The following CBX1 variants were observed in gnomAD, a reference collection of about 807,000 sequenced individuals.
CBX1 encodes chromobox 1, also known as chromobox protein homolog 1.
CBX1 carries 10 observed loss-of-function variants against 25.1 expected under a neutral mutation model. The observed-to-expected ratio is 0.40, with a 90% CI of 0.25 to 0.68. CBX1 has a LOEUF of 0.68. Among genes scored for constraint, CBX1 ranks in the 30% least tolerant of loss-of-function variants. The pLI is 0.40. For synonymous variants in CBX1, 63 were observed against 79.4 expected, an observed-to-expected ratio of 0.79 and a Z score of 1.10; for missense variants, 106 against 218.5, an observed-to-expected ratio of 0.49 and a Z score of 3.25.
intron 1 of CBX1, among the ~76,000 whole-genome samples, chr17:48,100,132 C>A (rs1245325697): frequency 2.2e-4 from 3 of 13,624 alleles, no homozygotes; most frequent in East Asian, 4.5e-3. Context: ...GAGGAAGACT[C>A]TTCTCAAAAA....
At position 48,100,863 on chromosome 17, in the gene CBX1, C is replaced by T. The variant is rs1221392893; in HGVS notation, c.-38+405G>A. On this transcript the variant is annotated intron_variant, in intron 1 of 4. Transcript: ENST00000225603. Reference sequence around the variant, plus strand: ...AGCCGGACCCGGCGTCTTCCGAATACAGTTACAAACCTCGGGTTGTGCGGT... The same window carrying T: ...AGCCGGACCCGGCGTCTTCCGAATATAGTTACAAACCTCGGGTTGTGCGGT... 6.1e-6 allele frequency: 6 copies of T among 985,310 alleles called. No homozygotes were observed. In the African/African-American group the frequency reaches 1.0e-4, roughly 17 times the overall value. The allele number at this position is 985,310 out of a possible 1,614,324, so 61.0% of individuals were successfully genotyped here.
intron 1 of CBX1, among the ~76,000 whole-genome samples, chr17:48,080,951 AATAT>A (rs1323670486): frequency 0.014 from 454 of 33,216 alleles, 2 homozygotes; most frequent in South Asian, 0.018. Flanking sequence ...AAAAAAAAAA[AATAT>A]ATATATATAT....
rs983049173 is a variant in CBX1 at position 48,101,289 on chromosome 17, C to T, written c.-59G>A. On this transcript the variant is annotated 5_prime_UTR_variant, in exon 1 of 5. Transcript: ENST00000225603. ...TCACCTCAGAGCAGCGCCCAAGAGC[C>T]CGAGAGGAATCGGTGCTGCGCTGCT... 3 of 986,350 alleles carry T rather than the reference C, an allele frequency of 3.0e-6. No individual in the cohort carries two copies. In the African/African-American group the frequency reaches 5.2e-5, roughly 17 times the overall value. The allele number at this position is 986,350 out of a possible 1,614,324, so 61.1% of individuals were successfully genotyped here.
chr17:48,098,507 C>CT (rs1284967781), intron 1 of CBX1, among the ~76,000 whole-genome samples: 1 of 151,960 alleles, frequency 6.6e-6, no homozygotes, highest in Non-Finnish European at 1.5e-5. Context: ...TTTCATTTTT[C>CT]TTTTTTTGAG....
At chr17:48,072,826 AG>A (rs1190389539) in intron 4 of CBX1, among the ~76,000 whole-genome samples, 1 of 151,382 alleles carries the variant, frequency 6.6e-6, no homozygotes, top group East Asian at 2.0e-4. Context: ...ACACATTATA[AG>A]GGAATTAGGA....
At chr17:48,077,169 GCTT>G in intron 1 of CBX1, 128 bp from the exon 2 acceptor site, 1 of 662,486 alleles carries the variant, frequency 1.5e-6, no homozygotes, top group Non-Finnish European at 2.4e-6. Flanking sequence ...TAAGTGTTAG[GCTT>G]CTTCTCACAC....
chr17:48,101,351 C>G lies in CBX1; in HGVS notation c.-121G>C. The G allele has an allele frequency of 1.0e-5, 10 of 986,084 alleles. No homozygotes were observed. The highest frequency in any genetic ancestry group is 1.2e-5 in the Non-Finnish European group (10 of 830,146). 61.1% of individuals were successfully genotyped at this position (986,084 alleles called of 1,614,324 possible). A position where few individuals can be genotyped will look rare whatever the true frequency, so the allele number is the denominator to read the frequency against. On this transcript the variant is annotated 5_prime_UTR_variant, in exon 1 of 5. Transcript: ENST00000225603. ...TCGGGTCGCCTGGGGGAGTGGCGCC[C>G]AGGAAGGCAGCAAGCCGGGTGGCCG...
chr17:48,100,646 CCT>C (rs2063403761), intron 1 of CBX1: 1 of 834,968 alleles, frequency 1.2e-6, no homozygotes, highest in Non-Finnish European at 1.4e-6. Context: ...CCCTACTTAT[CCT>C]AACAGCTCCT....
At chr17:48,081,662 G>A (rs148560610) in intron 1 of CBX1, among the ~76,000 whole-genome samples, 9 of 152,060 alleles carry the variant, frequency 5.9e-5, no homozygotes, top group Non-Finnish European at 8.8e-5. Flanking sequence ...GGCTGGTCTC[G>A]AACTCCTGAC....
intron 4 of CBX1, among the ~76,000 whole-genome samples, chr17:48,073,704 G>A (rs2037647283): frequency 6.6e-6 from 1 of 151,936 alleles, no homozygotes; most frequent in Non-Finnish European, 1.5e-5. Context: ...GCACATGCCT[G>A]TAATCCCAGC....
intron 4 of CBX1, 147 bp from the exon 5 acceptor site, chr17:48,071,726 T>G (rs1598301865): frequency 3.3e-6 from 2 of 602,532 alleles, no homozygotes; most frequent in South Asian, 2.8e-5. Context: ...CAGCATTTAC[T>G]GGCAATTGTA....
rs2037640304 is a variant in CBX1, at chr17:48,073,061, G to C, written c.414-1482C>G. ...CGCTTGAACCTGGGAGGTGGAGGTTGTAGTGAACAGAGATCGCCTCACTGC... is the reference window on the plus strand; with the variant it reads ...CGCTTGAACCTGGGAGGTGGAGGTTCTAGTGAACAGAGATCGCCTCACTGC... On this transcript the variant is annotated intron_variant, in intron 4 of 4. Coordinates refer to ENST00000225603, the MANE Select transcript of CBX1 (RefSeq NM_001127228.2). 2.6e-5 allele frequency among the ~76,000 whole-genome samples: 4 copies of C among 152,102 alleles called. 1 individual carries two copies. In the South Asian group the frequency reaches 8.3e-4, roughly 32 times the overall value.
intron 1 of CBX1, among the ~76,000 whole-genome samples, chr17:48,079,539 G>A (rs937709506): frequency 3.3e-5 from 5 of 152,056 alleles, no homozygotes; most frequent in Non-Finnish European, 5.9e-5. Context: ...TATCACCTAG[G>A]ATGGAATGCA....
intron 1 of CBX1, among the ~76,000 whole-genome samples, chr17:48,092,659 T>C (rs758653904): frequency 6.6e-6 from 1 of 151,306 alleles, no homozygotes; most frequent in Non-Finnish European, 1.5e-5. Context: ...TCACCATCTT[T>C]GCTAGGCTGG....
intron 1 of CBX1, among the ~76,000 whole-genome samples, chr17:48,080,374 G>A (rs184729728): frequency 6.6e-6 from 1 of 152,126 alleles, no homozygotes; most frequent in African/African-American, 2.4e-5. Flanking sequence ...AAAGCCTTAT[G>A]ATTACCAATT....
intron 1 of CBX1, among the ~76,000 whole-genome samples, chr17:48,084,250 T>G (rs2037766396): frequency 4.9e-5 from 1 of 20,552 alleles, no homozygotes. Flanking sequence ...CTTGCTCTGT[T>G]ACCCAGGCTG....
intron 4 of CBX1, among the ~76,000 whole-genome samples, chr17:48,071,836 T>C (rs962965266): frequency 3.3e-5 from 5 of 152,086 alleles, no homozygotes; most frequent in African/African-American, 1.2e-4. Flanking sequence ...CAATCACATC[T>C]GAACATCTGG....
chr17:48,100,213 C>T (rs1317584013), intron 1 of CBX1, among the ~76,000 whole-genome samples: 1 of 146,756 alleles, frequency 6.8e-6, no homozygotes, highest in African/African-American at 2.5e-5. Context: ...TGGCTAAAAA[C>T]AGAAGGGCCC....
chr17:48,072,040 A>G (rs2037629421), intron 4 of CBX1, among the ~76,000 whole-genome samples: 1 of 146,554 alleles, frequency 6.8e-6, no homozygotes, highest in Non-Finnish European at 1.5e-5. Flanking sequence ...TCTGTTGCCC[A>G]GCCTGGAGTG....
Sources: gnomAD v4.1 joint callset for allele counts (sites outside exome capture counted in the v4.1 genomes callset) on GRCh38, gnomAD v4.1.1 for gene constraint, MANE v1.5 for transcripts, NCBI Gene and HGNC (gene_info 2026-07-23, HGNC 2026-07-21) for gene names.